Variants in MBTPS1 observed in about 807,000 individuals in gnomAD.
The protein encoded by MBTPS1 is membrane-bound transcription factor site-1 protease.
A neutral mutation model predicts 127.8 loss-of-function variants in MBTPS1; 94 were observed. The observed-to-expected ratio is 0.74, with a 90% confidence interval of 0.62 to 0.87. The LOEUF (loss-of-function observed/expected upper bound fraction) is 0.87, where lower values mean the gene tolerates loss of function less well. MBTPS1 is among the 40% of genes least tolerant of loss of function. MBTPS1 has a pLI of 0.00. For missense variants in MBTPS1, 1,636 were observed against 1,353.2 expected (o/e 1.21, Z -3.28); for synonymous variants, 632 against 509.4 (o/e 1.24, Z -3.24).
chr16:84,059,467 C>T, intron 20 of MBTPS1, 39 bp from the exon 21 acceptor site: 1 of 1,594,552 alleles, frequency 6.3e-7, no homozygotes, highest in Non-Finnish European at 8.6e-7. Context: ...GGAAAATCAT[C>T]TCTATTACTA....
At chr16:84,102,438 C>G (rs2086270248) in intron 1 of MBTPS1, among the ~76,000 whole-genome samples, 1 of 152,158 alleles carries the variant, frequency 6.6e-6, no homozygotes, top group Non-Finnish European at 1.5e-5. Flanking sequence ...TTACTCACTG[C>G]TTTCACGGGA....
At chr16:84,054,852 G>T (rs1209686685) in intron 22 of MBTPS1, among the ~76,000 whole-genome samples, 3 of 152,208 alleles carry the variant, frequency 2.0e-5, no homozygotes. Context: ...GCCACTTCCT[G>T]TGGGGTGGAG....
chr16:84,100,150 G>A (rs978148998), intron 2 of MBTPS1, among the ~76,000 whole-genome samples: 1 of 152,224 alleles, frequency 6.6e-6, no homozygotes, highest in African/African-American at 2.4e-5. Context: ...AGTGGCTCAT[G>A]CCTATAATCC....
At chr16:84,062,101 T>C (rs910205639) in intron 19 of MBTPS1, among the ~76,000 whole-genome samples, 2 of 152,128 alleles carry the variant, frequency 1.3e-5, no homozygotes, top group African/African-American at 4.8e-5. Flanking sequence ...ACTTTAACCC[T>C]CACTTTTAAT....
In MBTPS1 at chr16:84,081,741, A is replaced by C; in HGVS notation, c.1448+6T>G. The C allele has an allele frequency of 7.3e-7, 1 of 1,374,872 alleles. No homozygotes were observed. The highest frequency in any genetic ancestry group is 9.5e-7 in the Non-Finnish European group (1 of 1,052,420). 85.2% of individuals were successfully genotyped at this position (1,374,872 alleles called of 1,614,324 possible). On this transcript the variant is annotated splice_donor_region_variant and intron_variant, in intron 11 of 22. Transcript: ENST00000343411. ...GAAAGACCCATCGGCAGGGCGGTGCACTGACCTTGCCTGTGGCTTGTAGCT... is the reference window on the plus strand; with the variant it reads ...GAAAGACCCATCGGCAGGGCGGTGCCCTGACCTTGCCTGTGGCTTGTAGCT...
intron 21 of MBTPS1, chr16:84,057,752 G>A (rs1018712718): frequency 6.6e-6 from 1 of 152,184 alleles, no homozygotes; most frequent in Non-Finnish European, 1.5e-5. Context: ...GTAAAACCCA[G>A]CAGCGTACTG....
intron 6 of MBTPS1, 76 bp downstream of exon 6, chr16:84,093,112 G>T: frequency 1.0e-6 from 1 of 960,110 alleles, no homozygotes; most frequent in Non-Finnish European, 1.7e-6. Flanking sequence ...TTACACAAGT[G>T]TGTACAGTCC....
intron 1 of MBTPS1, among the ~76,000 whole-genome samples, chr16:84,104,628 T>C (rs2086298836): frequency 6.6e-6 from 1 of 152,174 alleles, no homozygotes; most frequent in South Asian, 2.1e-4. Flanking sequence ...ATTCAACCTG[T>C]TCTAAAATAA....
chr16:84,111,090 A>G (rs1221090042), intron 1 of MBTPS1, among the ~76,000 whole-genome samples: 1 of 152,218 alleles, frequency 6.6e-6, no homozygotes, highest in African/African-American at 2.4e-5. Flanking sequence ...TACTTTACAC[A>G]CAAAAGCATA....
chr16:84,107,018 C>A (rs1033523395), intron 1 of MBTPS1, among the ~76,000 whole-genome samples: 1 of 152,150 alleles, frequency 6.6e-6, no homozygotes, highest in African/African-American at 2.4e-5. Flanking sequence ...CCAGCAGGAG[C>A]TGAGCTCTGA....
chr16:84,087,160 G>A (rs910364622), intron 9 of MBTPS1, among the ~76,000 whole-genome samples, 198 bp downstream of exon 9: 2 of 152,226 alleles, frequency 1.3e-5, no homozygotes, highest in Non-Finnish European at 2.9e-5. Context: ...ACTTGCCAGA[G>A]TGAAGTGGCA....
rs1250895047 is a variant in MBTPS1, at chr16:84,067,704, C to A, written c.2191G>T (p.Val731Phe). ...TCATAAAACTTCACTTTTCTCATAA[C>A]AGAAGTGTTGTACCAGTCACTGAAG... is the stretch of plus-strand genomic sequence containing the variant. ...VIFSDWYNTS[V>F]MRKVKFYDEN... The change falls in exon 16 of 23, where the codon GTT becomes TTT. Residue 731 changes from valine (V) to phenylalanine (F), a missense_variant. Physicochemically the swap from Val to Phe is conservative, Grantham distance 50 (BLOSUM62 -1). Coordinates refer to ENST00000343411, the MANE Select transcript of MBTPS1 (RefSeq NM_003791.4). 2 of 1,614,004 alleles carry A rather than the reference C, an allele frequency of 1.2e-6. No individual in the cohort carries two copies. Among genetic ancestry groups the A allele is most frequent in the Non-Finnish European group, 1.7e-6 (2 of 1,179,850 alleles).
At chr16:84,097,866 GTGTGTT>G (rs1471719627) in intron 3 of MBTPS1, among the ~76,000 whole-genome samples, 1 of 151,500 alleles carries the variant, frequency 6.6e-6, no homozygotes, top group Non-Finnish European at 1.5e-5. Context: ...GTGTGTGTGT[GTGTGTT>G]TGTGTGTGTG....
intron 1 of MBTPS1, among the ~76,000 whole-genome samples, chr16:84,107,355 G>T (rs1202089419): frequency 3.3e-5 from 5 of 152,176 alleles, no homozygotes; most frequent in Admixed American, 3.3e-4. Context: ...GAAGGAAGGT[G>T]CCTTCAAGTG....
At chr16:84,076,083 A>G (rs932390889) in intron 11 of MBTPS1, among the ~76,000 whole-genome samples, 4 of 152,210 alleles carry the variant, frequency 2.6e-5, no homozygotes, top group Admixed American at 2.6e-4. Flanking sequence ...AGAAAACAAA[A>G]TAGCAAGACC....
intron 1 of MBTPS1, among the ~76,000 whole-genome samples, chr16:84,112,570 G>A (rs534508429): frequency 4.6e-4 from 69 of 150,502 alleles, no homozygotes; most frequent in Non-Finnish European, 8.8e-4. Flanking sequence ...GCTGAGACAT[G>A]AGAATGGCGT....
At position 84,059,333 on chromosome 16, in the gene MBTPS1, T is replaced by C. The variant is rs1456568442; in HGVS notation, c.2800A>G (p.Lys934Glu). ...GCCGTCTCGTTTAAAGGCTGTGGCT[T>C]GGCCCAAGACAAGCGTGGACAGGCT... ...LPACPRLSWA[K>E]PQPLNETAPS... Residue 934 changes from lysine (K) to glutamate (E), a missense_variant, in exon 21 of 23, where the codon AAG becomes GAG. Coordinates refer to ENST00000343411, the MANE Select transcript of MBTPS1 (RefSeq NM_003791.4). 1.2e-6 allele frequency: 2 copies of C among 1,614,098 alleles called. No individual in the cohort carries two copies.
chr16:84,091,722 C>T lies in MBTPS1; in HGVS notation c.963+10G>A, dbSNP rs1254778884. ...GTCACCCAAACCCCGTGTGCAGTGA[C>T]TCCACAAACCTTGTCAACAAACGGA... On this transcript the variant is annotated intron_variant, in intron 7 of 22. Coordinates refer to ENST00000343411, the MANE Select transcript of MBTPS1 (RefSeq NM_003791.4). The T allele has an allele frequency of 6.3e-7, 1 of 1,599,170 alleles. No homozygotes were observed. Among genetic ancestry groups the T allele is most frequent in the African/African-American group, 1.3e-5 (1 of 74,636 alleles).
At chr16:84,074,448 G>A (rs772279299) in intron 12 of MBTPS1, 149 bp downstream of exon 12, 6 of 655,578 alleles carry the variant, frequency 9.2e-6, no homozygotes, top group Non-Finnish European at 1.5e-5. Flanking sequence ...TGCTCAGGCT[G>A]GTCTTAAAGT....
Sources: gnomAD v4.1 joint callset for allele counts (sites outside exome capture counted in the v4.1 genomes callset) on GRCh38, gnomAD v4.1.1 for gene constraint, MANE v1.5 for transcripts, NCBI Gene and HGNC (gene_info 2026-07-23, HGNC 2026-07-21) for gene names.